RHOU: variants seen among roughly 807,000 people sequenced by gnomAD.
RHOU encodes rho-related GTP-binding protein RhoU.
RHOU carries 8 observed loss-of-function variants against 12.6 expected under a neutral mutation model. That is an observed-to-expected ratio of 0.64 (90% CI 0.37 to 1.15). The LOEUF (loss-of-function observed/expected upper bound fraction) is 1.15, where lower values mean the gene tolerates loss of function less well. Among genes scored for constraint, RHOU ranks in the 50% most tolerant of loss-of-function variants. The pLI, the probability that RHOU is intolerant of heterozygous loss-of-function variation, is 0.01. For synonymous variants in RHOU, 161 were observed against 147.4 expected (o/e 1.09, Z -0.67); for missense variants, 258 against 347.0 (o/e 0.74, Z 2.04).
the RHOU span, among the ~76,000 whole-genome samples, chr1:228,688,519 C>T: frequency 6.6e-6 from 1 of 152,296 alleles, no homozygotes; most frequent in Admixed American, 6.5e-5. Context: ...CCCCTCCTTC[C>T]ATTCCTCCCA....
At chr1:228,722,244 C>T in the RHOU span, among the ~76,000 whole-genome samples, 1 of 152,144 alleles carries the variant, frequency 6.6e-6, no homozygotes, top group Non-Finnish European at 1.5e-5. Flanking sequence ...TCTTCCTTCC[C>T]AGTGTCTGAT....
the RHOU span, among the ~76,000 whole-genome samples, chr1:228,651,751 A>C: frequency 6.6e-6 from 1 of 152,234 alleles, no homozygotes; most frequent in Admixed American, 6.5e-5. Context: ...GGCACTTATG[A>C]AGCCAATTCA....
At chr1:228,663,625 C>CTTTTTTTTTTTTTTTT in the RHOU span, among the ~76,000 whole-genome samples, 45 of 58,764 alleles carry the variant, frequency 7.7e-4, no homozygotes, top group Non-Finnish European at 1.1e-3. Context: ...CTTTTCTTTT[C>CTTTTTTTTTTTTTTTT]TTTTTTTTTT....
chr1:228,715,270 T>G, the RHOU span, among the ~76,000 whole-genome samples: 1 of 152,156 alleles, frequency 6.6e-6, no homozygotes, highest in East Asian at 1.9e-4. Flanking sequence ...CTGCTTTAAA[T>G]AATCATATTT....
the RHOU span, among the ~76,000 whole-genome samples, chr1:228,713,489 A>T: frequency 6.6e-6 from 1 of 151,976 alleles, no homozygotes; most frequent in Non-Finnish European, 1.5e-5. Context: ...ACACTCGGCT[A>T]ATTTTTTTAT....
the RHOU span, among the ~76,000 whole-genome samples, chr1:228,700,807 C>T: frequency 6.6e-6 from 1 of 152,104 alleles, no homozygotes; most frequent in Non-Finnish European, 1.5e-5. Context: ...ACATATTAGG[C>T]TTGGCATGGT....
the RHOU span, among the ~76,000 whole-genome samples, chr1:228,695,692 G>C: frequency 6.6e-6 from 1 of 152,172 alleles, no homozygotes; most frequent in Non-Finnish European, 1.5e-5. Context: ...ATGACGGAAG[G>C]GGCAGAGCTT....
At chr1:228,734,085 CT>C (rs1226374068), upstream of RHOU, among the ~76,000 whole-genome samples, 4 of 152,208 alleles carry the variant, frequency 2.6e-5, no homozygotes, top group Admixed American at 2.6e-4. Context: ...ACTTCACTTT[CT>C]TTGGCTGATC....
chr1:228,650,664 A>G, the RHOU span: 1 of 481,512 alleles, frequency 2.1e-6, no homozygotes, highest in African/African-American at 2.0e-5. Flanking sequence ...AACTCGTTTC[A>G]CTCGTTTCAA....
the RHOU span, among the ~76,000 whole-genome samples, chr1:228,688,406 C>T: frequency 6.6e-6 from 1 of 152,202 alleles, no homozygotes; most frequent in Non-Finnish European, 1.5e-5. Flanking sequence ...AGCCTATGGA[C>T]TGAGAAATGT....
At chr1:228,683,476 A>C in the RHOU span, among the ~76,000 whole-genome samples, 4 of 152,262 alleles carry the variant, frequency 2.6e-5, no homozygotes. Flanking sequence ...TAAATTATCC[A>C]ATCAGTGATG....
the RHOU span, among the ~76,000 whole-genome samples, chr1:228,679,937 G>T: frequency 1.3e-5 from 2 of 152,112 alleles, no homozygotes; most frequent in South Asian, 4.1e-4. Context: ...AATGTCTCGA[G>T]CCAATAAGGG....
the RHOU span, among the ~76,000 whole-genome samples, chr1:228,647,517 C>T: frequency 6.6e-6 from 1 of 152,198 alleles, no homozygotes; most frequent in East Asian, 1.9e-4. Context: ...GCAGTCCATG[C>T]GTTCTGGAGC....
the RHOU span, among the ~76,000 whole-genome samples, chr1:228,726,869 G>C: frequency 4.6e-5 from 7 of 152,112 alleles, no homozygotes; most frequent in Admixed American, 1.3e-4. Flanking sequence ...TGGAAGATGA[G>C]GGGGAGGAGG....
At chr1:228,655,131 G>A in the RHOU span, among the ~76,000 whole-genome samples, 2 of 145,664 alleles carry the variant, frequency 1.4e-5, no homozygotes, top group Non-Finnish European at 3.0e-5. Context: ...TGGAGATGAA[G>A]TCTTGCTCTG....
At chr1:228,725,104 A>G in the RHOU span, among the ~76,000 whole-genome samples, 2 of 152,210 alleles carry the variant, frequency 1.3e-5, no homozygotes, top group African/African-American at 2.4e-5. Flanking sequence ...TTTTTTATTC[A>G]ACAAAATCCT....
chr1:228,681,022 C>T, the RHOU span, among the ~76,000 whole-genome samples: 1 of 152,182 alleles, frequency 6.6e-6, no homozygotes, highest in Non-Finnish European at 1.5e-5. Context: ...TCCCATTCAT[C>T]TGGGGAGAGG....
the RHOU span, among the ~76,000 whole-genome samples, chr1:228,657,748 C>T: frequency 6.6e-6 from 1 of 152,186 alleles, no homozygotes; most frequent in Non-Finnish European, 1.5e-5. Context: ...GCACACAGGA[C>T]ATTCTCCAGT....
chr1:228,737,787 C>G lies in RHOU; in HGVS notation c.321+56C>G. The G allele has an allele frequency of 6.4e-7, 1 of 1,561,164 alleles. No homozygotes were observed. Among genetic ancestry groups the G allele is most frequent in the Non-Finnish European group, 8.8e-7 (1 of 1,132,112 alleles). ...AAAGGAAACAGCCTTTTAAAGATTT[C>G]CAAATAACCTTTGATTCCCTCAGTC... On this transcript the variant is annotated intron_variant, in intron 2 of 2. Transcript: ENST00000366691. This position sits in a 1 kb window ranked among gnomAD's most constrained non-coding sequence, Gnocchi z 4.1.
Sources: gnomAD v4.1 joint callset for allele counts (sites outside exome capture counted in the v4.1 genomes callset) on GRCh38, gnomAD v4.1.1 for gene constraint, Gnocchi (gnomAD v3.1) non-coding constraint, MANE v1.5 for transcripts, NCBI Gene and HGNC (gene_info 2026-07-23, HGNC 2026-07-21) for gene names.